Variants in BLVRA observed in about 807,000 individuals in gnomAD.
BLVRA encodes biliverdin reductase A, also known as BVR A.
BLVRA carries 22 observed loss-of-function variants against 32.8 expected under a neutral mutation model. That is an observed-to-expected ratio of 0.67 (90% CI 0.48 to 0.96). The LOEUF is 0.96. Among genes scored for constraint, BLVRA ranks in the 40% least tolerant of loss-of-function variants. The pLI, the probability that BLVRA is intolerant of heterozygous loss-of-function variation, is 0.00. For synonymous variants in BLVRA, 119 were observed against 141.3 expected (o/e 0.84, Z 1.12); for missense variants, 323 against 358.1 (o/e 0.90, Z 0.79).
intron 6 of BLVRA, among the ~76,000 whole-genome samples, chr7:43,801,045 G>T (rs900115491): frequency 1.3e-5 from 2 of 151,890 alleles, no homozygotes; most frequent in African/African-American, 4.8e-5. Flanking sequence ...TGTTGCCCAG[G>T]CTGGAGTGCA....
chr7:43,804,619 A>G (rs2095802218), intron 7 of BLVRA, among the ~76,000 whole-genome samples: 1 of 152,096 alleles, frequency 6.6e-6, no homozygotes, highest in Non-Finnish European at 1.5e-5. Context: ...AGGGCCACAC[A>G]TTCACCCCTC....
At chr7:43,794,325 A>G (rs2095789455) in intron 5 of BLVRA, among the ~76,000 whole-genome samples, 1 of 152,246 alleles carries the variant, frequency 6.6e-6, no homozygotes, top group Admixed American at 6.5e-5. Context: ...GAAATGCTAA[A>G]GGAAGTCTTT....
chr7:43,800,713 AT>A (rs2095797699), intron 6 of BLVRA, 141 bp downstream of exon 6: 1 of 771,284 alleles, frequency 1.3e-6, no homozygotes, highest in Non-Finnish European at 2.2e-6. Flanking sequence ...CCCAGATGGG[AT>A]TTAATTCCTT....
intron 2 of BLVRA, among the ~76,000 whole-genome samples, chr7:43,785,351 A>C (rs1585728477): frequency 3.9e-5 from 6 of 151,986 alleles, no homozygotes; most frequent in Admixed American, 3.9e-4. Flanking sequence ...AAAAAAAGAA[A>C]AGAAAACAAG....
chr7:43,770,657 C>T (rs2132550694), intron 1 of BLVRA, among the ~76,000 whole-genome samples: 1 of 152,256 alleles, frequency 6.6e-6, no homozygotes, highest in South Asian at 2.1e-4. Context: ...CGTCTTAATG[C>T]TGAGGGTCCG....
intron 1 of BLVRA, chr7:43,760,200 T>A (rs2095740800): frequency 6.6e-6 from 1 of 152,102 alleles, no homozygotes; most frequent in Non-Finnish European, 1.5e-5. Context: ...ACTTTTTTAT[T>A]CTTTGTACCC....
chr7:43,786,517 A>G (rs577294356), intron 2 of BLVRA, among the ~76,000 whole-genome samples: 1 of 152,368 alleles, frequency 6.6e-6, no homozygotes, highest in East Asian at 1.9e-4. Flanking sequence ...CCTGAACAAC[A>G]CAATCAACCA....
chr7:43,802,991 C>T (rs2095800391), intron 6 of BLVRA, among the ~76,000 whole-genome samples: 2 of 152,224 alleles, frequency 1.3e-5, no homozygotes, highest in Admixed American at 1.3e-4. Context: ...ACCTTGGCCT[C>T]CCAAAGTGCT....
intron 2 of BLVRA, among the ~76,000 whole-genome samples, chr7:43,775,703 T>A (rs2132556981): frequency 6.6e-6 from 1 of 152,366 alleles, no homozygotes; most frequent in African/African-American, 2.4e-5. Flanking sequence ...TGTAATAGTT[T>A]CAGAAGGAAT....
chr7:43,783,726 C>T (rs1189073557), intron 2 of BLVRA, among the ~76,000 whole-genome samples: 2 of 152,106 alleles, frequency 1.3e-5, no homozygotes, highest in East Asian at 3.8e-4. Flanking sequence ...AGTTGCTCTC[C>T]ATAAAGCAGG....
chr7:43,788,893 CCTCCCAAAG>C (rs1256396128), intron 3 of BLVRA, among the ~76,000 whole-genome samples: 3 of 151,846 alleles, frequency 2.0e-5, no homozygotes, highest in African/African-American at 7.3e-5. Context: ...CCTGCCTCGG[CCTCCCAAAG>C]TGCTGAGATT....
chr7:43,763,517 A>C (rs889063557), intron 1 of BLVRA, among the ~76,000 whole-genome samples: 1 of 152,188 alleles, frequency 6.6e-6, no homozygotes, highest in South Asian at 2.1e-4. Flanking sequence ...GGGGCGCTCT[A>C]CTTCTTAGGG....
chr7:43,787,915 G>T lies in BLVRA; in HGVS notation c.24G>T (p.Lys8Asn). MNAEPER[K>N]FGVVVVGVGR... The stretch of plus-strand genomic sequence containing the variant: ...CCCTTGTGTTTCAGCCCGAGAGGAA[G>T]TTTGGCGTGGTGGTGGTTGGTGTTG... Residue 8 changes from lysine to asparagine, a missense_variant, in exon 3 of 8, where the codon AAG becomes AAT. Transcript: ENST00000265523. The surrounding 1 kb of genome is among the most constrained non-coding windows in gnomAD (Gnocchi z 4.5). 1 of 1,614,220 alleles carries T rather than the reference G, an allele frequency of 6.2e-7. No individual in the cohort carries two copies.
At chr7:43,788,340 G>A (rs984015036) in intron 3 of BLVRA, among the ~76,000 whole-genome samples, 4 of 152,226 alleles carry the variant, frequency 2.6e-5, no homozygotes, top group African/African-American at 7.2e-5. Flanking sequence ...AAAGGCTTTC[G>A]GTGTGCACCG....
At chr7:43,758,632 G>GC, upstream of BLVRA, 1 of 153,298 alleles carries the variant, frequency 6.5e-6, no homozygotes, top group East Asian at 1.9e-4. Flanking sequence ...CCGCTTCGGG[G>GC]CCCCCGCCCC....
chr7:43,800,511 C>T lies in BLVRA; in HGVS notation c.399C>T (p.Phe133=), dbSNP rs771416387. Residue 133 remains phenylalanine (F), a synonymous_variant, in exon 6 of 8, where the codon TTC becomes TTT. Transcript: ENST00000265523. The part of the protein sequence containing the change: ...EEHVELLMEE[F]AFLKKEVVGK... The stretch of plus-strand genomic sequence containing the variant: ...ATGTTGAACTCTTGATGGAGGAATT[C>T]GCTTTCCTGAAAAAAGAAGTGGTGG... 18 of 1,613,964 alleles carry T rather than the reference C, an allele frequency of 1.1e-5. No individual in the cohort carries two copies. The highest frequency in any genetic ancestry group is 2.7e-5 in the African/African-American group (2 of 74,928).
intron 1 of BLVRA, among the ~76,000 whole-genome samples, chr7:43,769,429 A>G (rs1351246341): frequency 6.6e-6 from 1 of 151,902 alleles, no homozygotes; most frequent in Non-Finnish European, 1.5e-5. Flanking sequence ...TGCTTTTTGG[A>G]GTTTTTCTTC....
chr7:43,782,233 G>C (rs1214124426), intron 2 of BLVRA, among the ~76,000 whole-genome samples: 1 of 152,154 alleles, frequency 6.6e-6, no homozygotes, highest in Admixed American at 6.5e-5. Context: ...GAGCTTGGGA[G>C]GGTCAGTGAA....
rs2095779353 is a variant in BLVRA, at chr7:43,787,592, C to T, written c.13-312C>T. Among the ~76,000 whole-genome samples, 1 of 152,156 alleles carries T rather than the reference C, an allele frequency of 6.6e-6. No homozygotes were observed. Among genetic ancestry groups the T allele is most frequent in the Non-Finnish European group, 1.5e-5 (1 of 68,028 alleles). On this transcript the variant is annotated intron_variant, in intron 2 of 7. Transcript: ENST00000265523. This position sits in a 1 kb window ranked among gnomAD's most constrained non-coding sequence, Gnocchi z 4.5. ...GCTGGGTCTGGGTTAATGGGGAAAG[C>T]TCCCTCATTATTGGAGATGGGGCAG...
Sources: gnomAD v4.1 joint callset for allele counts (sites outside exome capture counted in the v4.1 genomes callset) on GRCh38, gnomAD v4.1.1 for gene constraint, Gnocchi (gnomAD v3.1) non-coding constraint, MANE v1.5 for transcripts, NCBI Gene and HGNC (gene_info 2026-07-23, HGNC 2026-07-21) for gene names.